Variants in DCAF8L2 observed in about 807,000 individuals in gnomAD.
The protein encoded by DCAF8L2 is DDB1- and CUL4-associated factor 8-like protein 2.
For synonymous variants in DCAF8L2, 200 were observed against 190.9 expected (o/e 1.05, Z -0.39); for missense variants, 430 against 490.7 (o/e 0.88, Z 1.17).
intron 2 of DCAF8L2, among the ~76,000 whole-genome samples, chrX:27,649,777 T>C (rs1369434748): frequency 8.9e-6 from 1 of 112,086 alleles, no homozygotes; most frequent in African/African-American, 3.2e-5. Flanking sequence ...GATAATTTAT[T>C]TTGCTGTGCA....
chrX:27,480,608 C>T, the DCAF8L2 span, among the ~76,000 whole-genome samples: 2 of 111,528 alleles, frequency 1.8e-5, no homozygotes, highest in African/African-American at 6.5e-5. Context: ...TTCAGATATC[C>T]CTTTGGTGGC....
At chrX:27,649,737 T>C in intron 2 of DCAF8L2, among the ~76,000 whole-genome samples, 1 of 112,158 alleles carries the variant, frequency 8.9e-6, no homozygotes, top group Non-Finnish European at 1.9e-5. Flanking sequence ...ATATCTTCTC[T>C]CATTGCGTAG....
Position 27,683,390 on chromosome X carries a change from C to T in DCAF8L2, c.-143+5478C>T, listed in dbSNP as rs1013460247. 3.6e-5 allele frequency among the ~76,000 whole-genome samples: 4 copies of T among 111,942 alleles called. No homozygotes were observed. In the Admixed American group the frequency reaches 3.8e-4, roughly 11 times the overall value. The stretch of plus-strand genomic sequence containing the variant: ...AGTGAATAGTATTTGCTCACCATAA[C>T]TTTAGTTTTAGTTTCGCCTTCCAAA... On this transcript the variant is annotated intron_variant, in intron 3 of 4. Transcript: ENST00000451261.
intron 3 of DCAF8L2, among the ~76,000 whole-genome samples, chrX:27,691,857 G>A (rs5971436): frequency 0.49 from 53,269 of 109,634 alleles, 9,513 homozygotes; most frequent in African/African-American, 0.58. Flanking sequence ...AAGAGTGAAT[G>A]GAATTCTCTT....
chrX:27,469,426 A>G, the DCAF8L2 span, among the ~76,000 whole-genome samples: 2 of 111,920 alleles, frequency 1.8e-5, no homozygotes, highest in Non-Finnish European at 3.8e-5. Flanking sequence ...AAAATGCTCA[A>G]TTTTTGCCTA....
At chrX:27,606,133 G>T (rs918626697) in intron 1 of DCAF8L2, among the ~76,000 whole-genome samples, 2 of 101,757 alleles carry the variant, frequency 2.0e-5, no homozygotes, top group Middle Eastern at 5.1e-3. Context: ...AAAACTTAAT[G>T]AAGTCATGTG....
chrX:27,481,112 T>A, the DCAF8L2 span, among the ~76,000 whole-genome samples: 1 of 111,328 alleles, frequency 9.0e-6, no homozygotes, highest in African/African-American at 3.3e-5. Flanking sequence ...GTGCAGTGGC[T>A]CACACCTGTA....
At chrX:27,492,481 C>CTTTTT in the DCAF8L2 span, among the ~76,000 whole-genome samples, 3 of 96,177 alleles carry the variant, frequency 3.1e-5, no homozygotes, top group Non-Finnish European at 4.1e-5. Flanking sequence ...TTCTTTCTTT[C>CTTTTT]TTTTTTTTTT....
intron 3 of DCAF8L2, among the ~76,000 whole-genome samples, chrX:27,697,479 G>A (rs765294097): frequency 6.0e-4 from 67 of 110,999 alleles, no homozygotes; most frequent in Non-Finnish European, 9.8e-4. Context: ...TTTGTGTTCC[G>A]TTAAATTTAT....
At chrX:27,628,680 T>C (rs1416051955) in intron 1 of DCAF8L2, among the ~76,000 whole-genome samples, 1 of 107,692 alleles carries the variant, frequency 9.3e-6, no homozygotes, top group African/African-American at 3.4e-5. Flanking sequence ...CTCGGCTCAC[T>C]GCAAGCTCCG....
the DCAF8L2 span, among the ~76,000 whole-genome samples, chrX:27,497,548 C>CTTT: frequency 0.014 from 1,233 of 87,761 alleles, 14 homozygotes; most frequent in African/African-American, 0.026. Flanking sequence ...TTCCTTCCTT[C>CTTT]CTTCTTTCTT....
At chrX:27,556,552 C>T in the DCAF8L2 span, among the ~76,000 whole-genome samples, 5 of 111,946 alleles carry the variant, frequency 4.5e-5, no homozygotes, top group South Asian at 3.7e-4. Flanking sequence ...GATTCTCACT[C>T]ATGCAGAAAA....
At chrX:27,588,110 C>T (rs549651837), upstream of DCAF8L2, among the ~76,000 whole-genome samples, 2 of 106,814 alleles carry the variant, frequency 1.9e-5, no homozygotes, top group African/African-American at 6.9e-5. Flanking sequence ...CAAATGATCC[C>T]GTCACCCAGG....
chrX:27,623,828 T>C (rs1253905143), intron 1 of DCAF8L2, among the ~76,000 whole-genome samples: 1 of 111,500 alleles, frequency 9.0e-6, no homozygotes, highest in East Asian at 2.8e-4. Flanking sequence ...CCAATTTTGT[T>C]TGAGGTCTGC....
chrX:27,585,111 C>T, the DCAF8L2 span, among the ~76,000 whole-genome samples: 1 of 110,228 alleles, frequency 9.1e-6, no homozygotes, highest in African/African-American at 3.3e-5. Flanking sequence ...ATTTGGCAAA[C>T]CCTGGTTTAC....
At chrX:27,607,215 G>C (rs1169965547) in intron 1 of DCAF8L2, among the ~76,000 whole-genome samples, 1 of 111,819 alleles carries the variant, frequency 8.9e-6, no homozygotes, top group South Asian at 3.7e-4. Flanking sequence ...AAGGTACAGA[G>C]GAAGAATTAA....
chrX:27,518,745 AAATAAT>A, the DCAF8L2 span: 1 of 202,898 alleles, frequency 4.9e-6, no homozygotes, highest in East Asian at 1.2e-4. Context: ...ATCTCAAAAA[AAATAAT>A]AATAAGTAAT....
the DCAF8L2 span, among the ~76,000 whole-genome samples, chrX:27,551,405 T>C: frequency 9.0e-6 from 1 of 111,098 alleles, no homozygotes; most frequent in South Asian, 3.8e-4. Context: ...AGCATTTTAA[T>C]TGAAGTATGT....
chrX:27,637,983 G>GA (rs1366078749), intron 2 of DCAF8L2, among the ~76,000 whole-genome samples: 1 of 111,481 alleles, frequency 9.0e-6, no homozygotes, highest in South Asian at 3.7e-4. Context: ...GATTTATTGG[G>GA]AAAAAAATGG....
Sources: gnomAD v4.1 joint callset for allele counts (sites outside exome capture counted in the v4.1 genomes callset) on GRCh38, gnomAD v4.1.1 for gene constraint, MANE v1.5 for transcripts, NCBI Gene and HGNC (gene_info 2026-07-23, HGNC 2026-07-21) for gene names.